DOCK4: variants seen among roughly 807,000 people sequenced by gnomAD.
DOCK4 encodes the protein dedicator of cytokinesis protein 4.
Under a neutral mutation model 268.1 loss-of-function variants are expected in DOCK4, and 97 were observed. The observed-to-expected ratio is 0.36, with a 90% CI of 0.31 to 0.43. The LOEUF is 0.43. Ranked by LOEUF, DOCK4 falls within the 20% of genes least tolerant of loss-of-function variation. The pLI is 1.00. For missense variants in DOCK4, 2,145 were observed against 2,455.7 expected, an observed-to-expected ratio of 0.87 and a Z score of 2.67; for synonymous variants, 954 against 887.2, an observed-to-expected ratio of 1.08 and a Z score of -1.34.
intron 43 of DOCK4, 151 bp downstream of exon 43, chr7:111,747,116 G>A: frequency 1.7e-6 from 1 of 605,570 alleles, no homozygotes; most frequent in Non-Finnish European, 2.7e-6. Context: ...ACAAATGACT[G>A]TATGTTTGCT....
intron 6 of DOCK4, among the ~76,000 whole-genome samples, chr7:111,986,189 A>G (rs1799039655): frequency 6.6e-6 from 1 of 152,172 alleles, no homozygotes; most frequent in East Asian, 1.9e-4. Flanking sequence ...AATATTAGAC[A>G]TTGGCTGTCA....
Position 111,994,934 on chromosome 7 carries a change from T to A in DOCK4, c.219-703A>T, listed in dbSNP as rs898501537. 2.0e-5 allele frequency among the ~76,000 whole-genome samples: 3 copies of A among 152,114 alleles called. No homozygotes were observed. The East Asian group carries it at 5.8e-4, about 29-fold the overall frequency. On this transcript the variant is annotated intron_variant, in intron 4 of 52. Transcript: ENST00000428084. ...TTTCTTCTCTAAAAGTCAGAAACTATCCTTGGAAAATATTTATATCAATAT... is the reference window on the plus strand; with the variant it reads ...TTTCTTCTCTAAAAGTCAGAAACTAACCTTGGAAAATATTTATATCAATAT...
chr7:111,838,080 C>T (rs1050556548), intron 25 of DOCK4, among the ~76,000 whole-genome samples: 5 of 127,244 alleles, frequency 3.9e-5, no homozygotes, highest in African/African-American at 1.7e-4. Flanking sequence ...TAGCGAAACC[C>T]TACCTCAAAA....
intron 1 of DOCK4, among the ~76,000 whole-genome samples, chr7:112,143,302 A>G (rs1295839163): frequency 6.6e-6 from 1 of 152,148 alleles, no homozygotes; most frequent in Non-Finnish European, 1.5e-5. Context: ...CCATCCCAGA[A>G]ATGCCACAAA....
intron 1 of DOCK4, among the ~76,000 whole-genome samples, chr7:112,163,402 T>C (rs905209920): frequency 9.2e-5 from 14 of 152,060 alleles, no homozygotes; most frequent in African/African-American, 3.4e-4. Flanking sequence ...GCTATAAATC[T>C]CCTTTCTCAT....
At chr7:111,825,796 CAAGT>C (rs1288939818) in intron 26 of DOCK4, among the ~76,000 whole-genome samples, 2 of 152,036 alleles carry the variant, frequency 1.3e-5, no homozygotes, top group Non-Finnish European at 1.5e-5. Context: ...TGCAGAGGTT[CAAGT>C]AAGAGAGAGG....
chr7:111,905,711 G>GTGTGTGCA (rs71147494), intron 13 of DOCK4, among the ~76,000 whole-genome samples: 1 of 148,314 alleles, frequency 6.7e-6, no homozygotes, highest in Non-Finnish European at 1.5e-5. Context: ...GTGTGTGTGT[G>GTGTGTGCA]CACGTGTATT....
chr7:111,794,953 C>A (rs1459302533), intron 30 of DOCK4, among the ~76,000 whole-genome samples: 1 of 152,180 alleles, frequency 6.6e-6, no homozygotes, highest in Non-Finnish European at 1.5e-5. Flanking sequence ...TTTCCAATTT[C>A]TCCTCTTAAA....
intron 26 of DOCK4, among the ~76,000 whole-genome samples, chr7:111,826,206 C>T (rs1267872429): frequency 6.6e-6 from 1 of 152,204 alleles, no homozygotes; most frequent in East Asian, 1.9e-4. Flanking sequence ...GAGGGAACAA[C>T]ACCTGTAGGC....
chr7:111,728,749 AGACACAGCATTGAGTCGTG>A, intron 52 of DOCK4, 29 bp from the exon 53 acceptor site: 1 of 1,575,198 alleles, frequency 6.3e-7, no homozygotes, highest in Non-Finnish European at 8.6e-7. Flanking sequence ...AACGAGAGGG[AGACACAGCATTGAGTCGTG>A]AACGCAGATG....
intron 1 of DOCK4, among the ~76,000 whole-genome samples, chr7:112,075,097 C>T (rs370425306): frequency 6.2e-4 from 95 of 152,252 alleles, no homozygotes; most frequent in African/African-American, 2.1e-3. Flanking sequence ...TCCACTGATA[C>T]ACTATCTGTA....
At chr7:111,895,004 A>T in intron 16 of DOCK4, among the ~76,000 whole-genome samples, 1 of 152,206 alleles carries the variant, frequency 6.6e-6, no homozygotes, top group Admixed American at 6.5e-5. Flanking sequence ...TTTGGAGAAA[A>T]TTGCCTGTGC....
chr7:112,087,938 T>C (rs73715421), intron 1 of DOCK4, among the ~76,000 whole-genome samples: 1 of 151,984 alleles, frequency 6.6e-6, no homozygotes. Flanking sequence ...ACACAAGGTG[T>C]TAAAAAATAT....
intron 30 of DOCK4, among the ~76,000 whole-genome samples, chr7:111,802,620 A>T (rs1800386759): frequency 1.3e-5 from 2 of 152,152 alleles, no homozygotes; most frequent in East Asian, 3.8e-4. Context: ...GGAGCCTGGC[A>T]TCCCTTGGCC....
rs563678002 is a variant in DOCK4, at chr7:112,158,005, T to A, written c.37+48097A>T. Among the ~76,000 whole-genome samples the A allele has an allele frequency of 6.2e-4, 95 of 152,294 alleles. 2 individuals are homozygous for A. In the South Asian group the frequency reaches 8.3e-3, roughly 13 times the overall value. On this transcript the variant is annotated intron_variant, in intron 1 of 52. Coordinates refer to ENST00000428084, the MANE Select transcript of DOCK4 (RefSeq NM_001363540.2). ...ATGCATAAAATATATAGAAACTAAA[T>A]ATACACTGAAGTGCAGTATATAATA...
intron 7 of DOCK4, among the ~76,000 whole-genome samples, chr7:111,984,045 G>T (rs1410632176): frequency 2.6e-5 from 4 of 152,086 alleles, no homozygotes; most frequent in Non-Finnish European, 5.9e-5. Context: ...AGAAAGATTT[G>T]CAAAAGAACT....
At chr7:111,997,303 A>G (rs1800047016) in intron 4 of DOCK4, among the ~76,000 whole-genome samples, 1 of 152,360 alleles carries the variant, frequency 6.6e-6, no homozygotes, top group East Asian at 1.9e-4. Flanking sequence ...CAGTAGTAGT[A>G]GTGGTAATTA....
chr7:112,062,323 A>T (rs772025416), intron 1 of DOCK4, among the ~76,000 whole-genome samples: 1 of 152,236 alleles, frequency 6.6e-6, no homozygotes, highest in African/African-American at 2.4e-5. Context: ...GTTTAAAAAC[A>T]GGAGAATATA....
chr7:112,009,116 T>A (rs1274038382), intron 1 of DOCK4, among the ~76,000 whole-genome samples: 1 of 152,204 alleles, frequency 6.6e-6, no homozygotes, highest in Non-Finnish European at 1.5e-5. Flanking sequence ...TTGGCACAGG[T>A]CAATTCCAGC....
Sources: allele counts gnomAD v4.1 joint callset (sites outside exome capture counted in the v4.1 genomes callset), GRCh38; gene constraint gnomAD v4.1.1; transcripts MANE v1.5; gene names NCBI Gene and HGNC (gene_info 2026-07-23, HGNC 2026-07-21).